Variants in ZDHHC2 observed in about 807,000 individuals in gnomAD.
ZDHHC2 encodes the protein palmitoyltransferase ZDHHC2.
In ZDHHC2, 51 loss-of-function variants were observed where a neutral mutation model predicts 55.6. The observed-to-expected ratio is 0.92, with a 90% CI of 0.73 to 1.16. ZDHHC2 has a LOEUF of 1.16. ZDHHC2 is among the 50% of genes most tolerant of loss of function. ZDHHC2 has a pLI of 0.00. For missense variants in ZDHHC2, 491 were observed against 442.4 expected (o/e 1.11, Z -0.99); for synonymous variants, 199 against 152.9 (o/e 1.30, Z -2.22).
intron 6 of ZDHHC2, among the ~76,000 whole-genome samples, chr8:17,203,729 C>T (rs950367207): frequency 4.6e-5 from 7 of 152,150 alleles, no homozygotes; most frequent in Admixed American, 4.6e-4. Flanking sequence ...AGGCTTGCAT[C>T]CCCCCACTGG....
intron 6 of ZDHHC2, among the ~76,000 whole-genome samples, chr8:17,205,180 C>A (rs144560998): frequency 6.6e-5 from 10 of 152,276 alleles, no homozygotes; most frequent in African/African-American, 2.4e-4. Flanking sequence ...ATTTAATATG[C>A]TTTGACAGTC....
intron 1 of ZDHHC2, among the ~76,000 whole-genome samples, chr8:17,177,233 G>T (rs1805186265): frequency 6.6e-6 from 1 of 152,268 alleles, no homozygotes; most frequent in Middle Eastern, 3.4e-3. Context: ...ACCTTGACAC[G>T]GGTGATTGCA....
intron 1 of ZDHHC2, among the ~76,000 whole-genome samples, chr8:17,174,705 C>CTTTTTTTTTTT (rs546670520): frequency 3.2e-5 from 2 of 61,942 alleles, no homozygotes; most frequent in Non-Finnish European, 6.1e-5. Context: ...TTGTGTTATT[C>CTTTTTTTTTTT]TTTTTTTTTT....
rs933566826 is a variant in ZDHHC2, at chr8:17,156,735, G to C, written c.12G>C (p.Ser4=). 6.8e-7 allele frequency: 1 copy of C among 1,479,722 alleles called. No homozygotes were observed. The highest frequency in any genetic ancestry group is 1.3e-5 in the South Asian group (1 of 78,474). The allele number at this position is 1,479,722 out of a possible 1,614,324, so 91.7% of individuals were successfully genotyped here. A position where few individuals can be genotyped will look rare whatever the true frequency, so the allele number is the denominator to read the frequency against. ...GATGCGGCTGGAAGATGGCGCCCTC[G>C]GGCCCGGGCAGCAGCGCCAGGCGGC... MAP[S]GPGSSARRRC... The change falls in exon 1 of 13, where the codon TCG becomes TCC. Residue 4 remains serine, a synonymous_variant. Transcript: ENST00000262096.
In ZDHHC2 at chr8:17,215,225, A is replaced by G. The variant is rs1292652302; in HGVS notation, c.951-12A>G. 20 of 1,558,498 alleles carry G rather than the reference A, an allele frequency of 1.3e-5. No homozygotes were observed. Among genetic ancestry groups the G allele is most frequent in the African/African-American group, 2.7e-5 (2 of 73,194 alleles). ...TTATGATGATTTTGATGATTATTCAATTATTATTCAGTCTCGAAAACCATC... is the reference window on the plus strand; with the variant it reads ...TTATGATGATTTTGATGATTATTCAGTTATTATTCAGTCTCGAAAACCATC... On this transcript the variant is annotated splice_polypyrimidine_tract_variant and intron_variant, in intron 10 of 12. Transcript: ENST00000262096.
chr8:17,163,212 A>G (rs556396051), intron 1 of ZDHHC2, among the ~76,000 whole-genome samples: 2 of 152,204 alleles, frequency 1.3e-5, no homozygotes, highest in Non-Finnish European at 2.9e-5. Context: ...GCCTTTGGAA[A>G]GAGCTGCTGC....
chr8:17,201,669 T>G (rs1027871384), intron 6 of ZDHHC2, among the ~76,000 whole-genome samples: 7 of 149,970 alleles, frequency 4.7e-5, no homozygotes, highest in South Asian at 4.3e-4. Flanking sequence ...TTTTTGGTTT[T>G]TTTTTTTTTT....
chr8:17,207,222 G>T (rs532328968), intron 7 of ZDHHC2, among the ~76,000 whole-genome samples: 4 of 152,184 alleles, frequency 2.6e-5, no homozygotes, highest in African/African-American at 7.2e-5. Context: ...GAGACACCTC[G>T]TGGCAGCCAT....
chr8:17,203,109 G>T (rs1806893049), intron 6 of ZDHHC2, among the ~76,000 whole-genome samples: 1 of 142,850 alleles, frequency 7.0e-6, no homozygotes, highest in Non-Finnish European at 1.5e-5. Context: ...ACCCAGGCTG[G>T]AGTGCAGTGG....
In ZDHHC2 at chr8:17,156,779, A is replaced by G; in HGVS notation, c.56A>G (p.Tyr19Cys). The G allele has an allele frequency of 6.6e-7, 1 of 1,517,790 alleles. No homozygotes were observed. Among genetic ancestry groups the G allele is most frequent in the African/African-American group, 1.4e-5 (1 of 70,044 alleles). 94.0% of individuals were successfully genotyped at this position (1,517,790 alleles called of 1,614,324 possible). ...AGGCGGCGGTGCCGGCGGGTGCTGT[A>G]CTGGATCCCGGTGGTGTTCATCACC... is the stretch of plus-strand genomic sequence containing the variant. The part of the protein sequence containing the change: ...SARRRCRRVL[Y>C]WIPVVFITLL... The change falls in exon 1 of 13, where the codon TAC becomes TGC. Residue 19 changes from tyrosine to cysteine, a missense_variant. Coordinates refer to ENST00000262096, the MANE Select transcript of ZDHHC2 (RefSeq NM_016353.5).
At chr8:17,172,327 A>T (rs1169159987) in intron 1 of ZDHHC2, among the ~76,000 whole-genome samples, 1 of 152,188 alleles carries the variant, frequency 6.6e-6, no homozygotes, top group Non-Finnish European at 1.5e-5. Context: ...ATTCGTCTCA[A>T]AGTGTGGCGT....
chr8:17,172,247 C>T (rs1804890908), intron 1 of ZDHHC2, among the ~76,000 whole-genome samples: 1 of 152,166 alleles, frequency 6.6e-6, no homozygotes, highest in African/African-American at 2.4e-5. Flanking sequence ...AAAATCTAGC[C>T]CCTTTTTCAG....
intron 7 of ZDHHC2, among the ~76,000 whole-genome samples, chr8:17,207,344 T>C (rs6997380): frequency 0.29 from 44,274 of 152,072 alleles, 6,798 homozygotes; most frequent in East Asian, 0.41. Flanking sequence ...TTCTTTGAGA[T>C]GGACTGTTTC....
intron 1 of ZDHHC2, chr8:17,157,616 A>G (rs537353262): frequency 1.3e-5 from 2 of 152,318 alleles, no homozygotes; most frequent in South Asian, 2.1e-4. Flanking sequence ...AATTTTTTAA[A>G]AAGTTGATTA....
intron 10 of ZDHHC2, among the ~76,000 whole-genome samples, chr8:17,211,588 C>A (rs955293382): frequency 1.1e-4 from 17 of 152,140 alleles, no homozygotes; most frequent in Non-Finnish European, 2.4e-4. Flanking sequence ...CGCCCAGGAT[C>A]AAGCGATCCT....
At chr8:17,199,291 C>T (rs952056772) in intron 6 of ZDHHC2, among the ~76,000 whole-genome samples, 17 of 152,168 alleles carry the variant, frequency 1.1e-4, no homozygotes, top group African/African-American at 3.4e-4. Context: ...TCCTTTAAAG[C>T]GTTCAGGCTA....
chr8:17,161,786 G>A (rs1804356077), intron 1 of ZDHHC2, among the ~76,000 whole-genome samples: 1 of 150,294 alleles, frequency 6.7e-6, no homozygotes, highest in Non-Finnish European at 1.5e-5. Flanking sequence ...CCTGAACCGG[G>A]GAGGCAGAGG....
chr8:17,194,863 C>T lies in ZDHHC2; in HGVS notation c.253-641C>T, dbSNP rs146805486. 4.3e-3 allele frequency among the ~76,000 whole-genome samples: 657 copies of T among 151,982 alleles called. 2 individuals are homozygous for T. The highest frequency in any genetic ancestry group is 6.6e-3 in the Non-Finnish European group (447 of 67,978). Reference sequence around the variant, plus strand: ...GATTTTTCTTGTACATGTCTCCTGGCGCACATTTATAGAAATTTATACAGG... The same window carrying T: ...GATTTTTCTTGTACATGTCTCCTGGTGCACATTTATAGAAATTTATACAGG... On this transcript the variant is annotated intron_variant, in intron 3 of 12. Transcript: ENST00000262096.
At position 17,156,900 on chromosome 8, in the gene ZDHHC2, C is replaced by G. The variant is rs758138428; in HGVS notation, c.130+47C>G. 2.7e-6 allele frequency: 4 copies of G among 1,460,158 alleles called. No homozygotes were observed. The South Asian group carries it at 3.9e-5, about 14-fold the overall frequency. The allele number at this position is 1,460,158 out of a possible 1,614,324, so 90.5% of individuals were successfully genotyped here. A position where few individuals can be genotyped will look rare whatever the true frequency, so the allele number is the denominator to read the frequency against. ...GCGCCCCCAGCGCAGCGCAGCCCAC[C>G]CCGACTGTCCCGGGACGCTCAGCCG... is the stretch of plus-strand genomic sequence containing the variant. On this transcript the variant is annotated intron_variant, in intron 1 of 12. Transcript: ENST00000262096.
Sources: gnomAD v4.1 joint callset for allele counts (sites outside exome capture counted in the v4.1 genomes callset) on GRCh38, gnomAD v4.1.1 for gene constraint, MANE v1.5 for transcripts, NCBI Gene and HGNC (gene_info 2026-07-23, HGNC 2026-07-21) for gene names.